BICD1: variants seen among roughly 807,000 people sequenced by gnomAD.
BICD1 encodes the protein protein bicaudal D homolog 1.
Under a neutral mutation model 92.5 loss-of-function variants are expected in BICD1, and 35 were observed. The observed-to-expected ratio is 0.38, with a 90% CI of 0.29 to 0.50. The LOEUF (loss-of-function observed/expected upper bound fraction) is 0.50. BICD1 is among the 20% of genes least tolerant of loss of function. BICD1 has a pLI of 0.93. For synonymous variants in BICD1, 429 were observed against 465.1 expected (o/e 0.92, Z 1.00); for missense variants, 950 against 1,189.8 (o/e 0.80, Z 2.97).
Position 32,378,835 on chromosome 12 carries a change from A to T in BICD1, c.*1208A>T, listed in dbSNP as rs759416046. ...CTCAGGTGCCTACAAACATTCTATT[A>T]TCTTGAGATAATACATGTTCCTGGT... On this transcript the variant is annotated 3_prime_UTR_variant, in exon 10 of 10. Coordinates refer to ENST00000652176, the MANE Select transcript of BICD1 (RefSeq NM_001714.4). 4.6e-5 allele frequency: 7 copies of T among 152,208 alleles called. No individual in the cohort carries two copies. The highest frequency in any genetic ancestry group is 8.8e-5 in the Non-Finnish European group (6 of 68,036). 9.4% of individuals were successfully genotyped at this position (152,208 alleles called of 1,614,324 possible).
chr12:32,305,279 C>A (rs117244343), intron 3 of BICD1, among the ~76,000 whole-genome samples: 1 of 152,144 alleles, frequency 6.6e-6, no homozygotes, highest in Non-Finnish European at 1.5e-5. Context: ...ACAATCTTTT[C>A]TTAGATTGCA....
At chr12:32,258,727 T>C (rs1946780907) in intron 2 of BICD1, among the ~76,000 whole-genome samples, 1 of 152,172 alleles carries the variant, frequency 6.6e-6, no homozygotes, top group South Asian at 2.1e-4. Flanking sequence ...GAAGACAGCA[T>C]ACATCAGCAT....
In BICD1 at chr12:32,382,872, A is replaced by G. The variant is rs1435156552; in HGVS notation, c.*5245A>G. 1 of 152,110 alleles carries G rather than the reference A, an allele frequency of 6.6e-6. No individual in the cohort carries two copies. The highest frequency in any genetic ancestry group is 1.5e-5 in the Non-Finnish European group (1 of 67,958). The allele number at this position is 152,110 out of a possible 1,614,324, so 9.4% of individuals were successfully genotyped here. A position where few individuals can be genotyped will look rare whatever the true frequency, so the allele number is the denominator to read the frequency against. On this transcript the variant is annotated 3_prime_UTR_variant, in exon 10 of 10. Transcript: ENST00000652176. ...TTATTCAATGATAGATAATGGAGAT[A>G]CAGAATGACTCATTGGGTTCATAGG...
intron 4 of BICD1, among the ~76,000 whole-genome samples, chr12:32,314,494 T>C (rs566200757): frequency 6.6e-6 from 1 of 152,344 alleles, no homozygotes; most frequent in East Asian, 1.9e-4. Flanking sequence ...GGTATTTCAT[T>C]ATCATCTTGA....
intron 1 of BICD1, among the ~76,000 whole-genome samples, chr12:32,184,184 A>G (rs1383170545): frequency 6.6e-6 from 1 of 152,210 alleles, no homozygotes; most frequent in Non-Finnish European, 1.5e-5. Flanking sequence ...TCTCAAGGAA[A>G]AAACATATTT....
At chr12:32,181,658 A>G (rs1241875820) in intron 1 of BICD1, among the ~76,000 whole-genome samples, 1 of 151,976 alleles carries the variant, frequency 6.6e-6, no homozygotes, top group East Asian at 1.9e-4. Flanking sequence ...TTTCAAATTC[A>G]GCTAAGCTAG....
rs200401976 is a variant in BICD1 at position 32,362,148 on chromosome 12, T to G, written c.2765-5522T>G. Among the ~76,000 whole-genome samples the G allele has an allele frequency of 1.6e-4, 25 of 152,224 alleles. No homozygotes were observed. The East Asian group carries it at 4.8e-3, about 29-fold the overall frequency. ...GCCGAGGCAGGCAGATCACCTGAGG[T>G]CAGGAGTTTGAGACCAGCCTGGCCA... On this transcript the variant is annotated intron_variant, in intron 8 of 9. Transcript: ENST00000652176.
chr12:32,199,155 C>T (rs376677843), intron 1 of BICD1, among the ~76,000 whole-genome samples: 8 of 152,110 alleles, frequency 5.3e-5, no homozygotes, highest in East Asian at 3.9e-4. Context: ...CTTTTGTAAA[C>T]TTCTGGCAAA....
intron 1 of BICD1, among the ~76,000 whole-genome samples, chr12:32,147,666 A>G (rs1943155317): frequency 1.3e-5 from 2 of 152,192 alleles, no homozygotes; most frequent in Admixed American, 6.5e-5. Context: ...AGTACACAAT[A>G]ATTTAGTTAA....
At chr12:32,131,927 AGGT>A (rs1430812644) in intron 1 of BICD1, among the ~76,000 whole-genome samples, 2 of 152,220 alleles carry the variant, frequency 1.3e-5, no homozygotes, top group East Asian at 3.8e-4. Flanking sequence ...AAATAAAGCA[AGGT>A]GGAGGAATAA....
At chr12:32,216,168 G>C in intron 1 of BICD1, 79 bp from the exon 2 acceptor site, 1 of 1,463,312 alleles carries the variant, frequency 6.8e-7, no homozygotes, top group Non-Finnish European at 9.3e-7. Flanking sequence ...ATAAGCAGAA[G>C]AAAACATTTT....
chr12:32,107,670 G>A lies in BICD1; in HGVS notation c.213+126G>A, dbSNP rs779532107. The A allele has an allele frequency of 1.2e-5, 12 of 1,033,290 alleles. No individual in the cohort carries two copies. In the Admixed American group the frequency reaches 2.4e-4, roughly 21 times the overall value. 64.0% of individuals were successfully genotyped at this position (1,033,290 alleles called of 1,614,324 possible). Reference sequence around the variant, plus strand: ...ACTGTTTTTTCTTCTAGGGCCCTTTGTTGGTAAGAGAAGATTGAAAGAGTC... The same window carrying A: ...ACTGTTTTTTCTTCTAGGGCCCTTTATTGGTAAGAGAAGATTGAAAGAGTC... On this transcript the variant is annotated intron_variant, in intron 1 of 9. Transcript: ENST00000652176.
chr12:32,282,224 T>C (rs1301564079), intron 2 of BICD1, among the ~76,000 whole-genome samples: 1,308 of 130,122 alleles, frequency 0.01, 66 homozygotes, highest in African/African-American at 0.025. Flanking sequence ...TTTTTTTTTT[T>C]TTTTTTTTTT....
chr12:32,269,529 A>G (rs894518600), intron 2 of BICD1, among the ~76,000 whole-genome samples: 3 of 152,210 alleles, frequency 2.0e-5, no homozygotes, highest in Non-Finnish European at 4.4e-5. Flanking sequence ...TTTTATCCAA[A>G]AGGAAGAGAA....
At chr12:32,330,399 G>A (rs1937795534) in intron 5 of BICD1, among the ~76,000 whole-genome samples, 1 of 142,602 alleles carries the variant, frequency 7.0e-6, no homozygotes, top group Non-Finnish European at 1.5e-5. Context: ...ACAGGAAGGG[G>A]AACATCACAC....
At chr12:32,182,763 G>C (rs930346127) in intron 1 of BICD1, among the ~76,000 whole-genome samples, 1 of 151,278 alleles carries the variant, frequency 6.6e-6, no homozygotes, top group Non-Finnish European at 1.5e-5. Context: ...AAAATCAAAG[G>C]GTTAGAAATA....
At chr12:32,118,604 G>A (rs1302951832) in intron 1 of BICD1, among the ~76,000 whole-genome samples, 4 of 152,154 alleles carry the variant, frequency 2.6e-5, no homozygotes, top group Non-Finnish European at 4.4e-5. Flanking sequence ...GTAATCTAGA[G>A]ATGATTTAAT....
chr12:32,333,356 A>G (rs1937963701), intron 5 of BICD1: 9 of 860,876 alleles, frequency 1.0e-5, no homozygotes, highest in Non-Finnish European at 1.1e-5. Flanking sequence ...ATCTGAATTT[A>G]AATCCAATCA....
At chr12:32,280,727 CTTGT>C (rs1947389725) in intron 2 of BICD1, among the ~76,000 whole-genome samples, 11 of 152,230 alleles carry the variant, frequency 7.2e-5, no homozygotes, top group Admixed American at 7.2e-4. Context: ...AAGTCCTTCA[CTTGT>C]TTACTCACTC....
Sources: gnomAD v4.1 joint callset for allele counts (sites outside exome capture counted in the v4.1 genomes callset) on GRCh38, gnomAD v4.1.1 for gene constraint, MANE v1.5 for transcripts, NCBI Gene and HGNC (gene_info 2026-07-23, HGNC 2026-07-21) for gene names.